The following COL19A1 variants were observed in gnomAD, a reference collection of about 807,000 sequenced individuals.
COL19A1 encodes the protein collagen type XIX alpha 1 chain.
COL19A1 carries 159 observed loss-of-function variants against 190.2 expected under a neutral mutation model. The ratio of observed to expected loss-of-function variants is 0.84; its 90% CI spans 0.73 to 0.95. The LOEUF (loss-of-function observed/expected upper bound fraction) is 0.95, where lower values mean the gene tolerates loss of function less well. Among genes scored for constraint, COL19A1 ranks in the 40% least tolerant of loss-of-function variants. The probability of loss-of-function intolerance (pLI) is 0.00; values close to 1 mark genes in which losing one functional copy is unlikely to be tolerated. For missense variants in COL19A1, 1,418 were observed against 1,431.9 expected, an observed-to-expected ratio of 0.99 and a Z score of 0.16; for synonymous variants, 509 against 458.9, an observed-to-expected ratio of 1.11 and a Z score of -1.39.
chr6:70,176,895 G>T (rs1452483725), intron 42 of COL19A1, among the ~76,000 whole-genome samples: 1 of 152,098 alleles, frequency 6.6e-6, no homozygotes, highest in African/African-American at 2.4e-5. Flanking sequence ...ATATTTCAAG[G>T]TTTCTCAGTC....
At chr6:69,932,924 G>A (rs761764277) in intron 7 of COL19A1, 61 bp downstream of exon 7, 2 of 1,114,176 alleles carry the variant, frequency 1.8e-6, no homozygotes, top group Non-Finnish European at 2.6e-6. Flanking sequence ...TAGTGGCATA[G>A]TTTGTAGAGT....
rs779928613 is a variant in COL19A1, at chr6:70,207,173, G to A, written c.3328G>A (p.Ala1110Thr). 3.7e-6 allele frequency: 6 copies of A among 1,613,422 alleles called. No individual in the cohort carries two copies. Among genetic ancestry groups the A allele is most frequent in the East Asian group, 4.5e-5 (2 of 44,884 alleles). Residue 1110 changes from alanine (A) to threonine (T), a missense_variant, in exon 51 of 51, where the codon GCC becomes ACC. Physicochemically the swap from Ala to Thr is moderately conservative, Grantham distance 58 (BLOSUM62 0). Transcript: ENST00000620364. ...TCTGGGTTTGCCAGGCTCACCAGGTGCCCCAGGCCCACAGGGCCCCCCAGG... is the reference window on the plus strand; with the variant it reads ...TCTGGGTTTGCCAGGCTCACCAGGTACCCCAGGCCCACAGGGCCCCCCAGG... ...SALGLPGSPGAPGPQGPPGPS... is the reference protein window; with the variant it reads ...SALGLPGSPGTPGPQGPPGPS...
intron 41 of COL19A1, among the ~76,000 whole-genome samples, chr6:70,173,107 C>T (rs1264872048): frequency 6.6e-6 from 1 of 152,146 alleles, no homozygotes; most frequent in African/African-American, 2.4e-5. Flanking sequence ...GAAATGAGGA[C>T]AGCTATGAGC....
chr6:69,873,830 T>G (rs535978808), intron 1 of COL19A1, among the ~76,000 whole-genome samples: 34 of 152,318 alleles, frequency 2.2e-4, no homozygotes, highest in Middle Eastern at 3.4e-3. Flanking sequence ...TAATATGTAC[T>G]GTGAGCCATC....
At chr6:69,935,300 T>C (rs1313157414) in intron 7 of COL19A1, among the ~76,000 whole-genome samples, 1 of 151,892 alleles carries the variant, frequency 6.6e-6, no homozygotes, top group Non-Finnish European at 1.5e-5. Flanking sequence ...TCTAGGCACT[T>C]TTTGTGGAGT....
chr6:70,123,504 C>A (rs1330562850), intron 17 of COL19A1, among the ~76,000 whole-genome samples: 4 of 147,720 alleles, frequency 2.7e-5, no homozygotes, highest in Admixed American at 2.7e-4. Context: ...AAGACACATG[C>A]ACACGTATGT....
intron 12 of COL19A1, among the ~76,000 whole-genome samples, chr6:70,031,041 T>A (rs189966702): frequency 1.3e-5 from 2 of 152,352 alleles, no homozygotes; most frequent in Admixed American, 1.3e-4. Flanking sequence ...AACACTTAAG[T>A]GGCTTCCCAT....
chr6:69,868,102 T>A (rs1156418703), intron 1 of COL19A1, among the ~76,000 whole-genome samples: 3 of 151,320 alleles, frequency 2.0e-5, no homozygotes, highest in Admixed American at 6.6e-5. Flanking sequence ...CACCAGTATC[T>A]ATTTTCAACC....
intron 1 of COL19A1, among the ~76,000 whole-genome samples, chr6:69,871,579 C>T (rs1343942134): frequency 1.3e-5 from 2 of 152,120 alleles, no homozygotes; most frequent in African/African-American, 4.8e-5. Context: ...CTATTTCCTC[C>T]TCTTTCTCTC....
At chr6:70,201,002 T>G (rs1767513600) in intron 49 of COL19A1, among the ~76,000 whole-genome samples, 1 of 152,206 alleles carries the variant, frequency 6.6e-6, no homozygotes. Flanking sequence ...TAGCCCTCTA[T>G]GTATACACTA....
chr6:69,921,279 TATATC>T (rs1453334182), intron 4 of COL19A1, among the ~76,000 whole-genome samples: 1 of 132,430 alleles, frequency 7.6e-6, no homozygotes, highest in Admixed American at 8.7e-5. Flanking sequence ...ATATATATCA[TATATC>T]ATATATCATA....
intron 17 of COL19A1, among the ~76,000 whole-genome samples, chr6:70,123,000 T>A (rs1784969488): frequency 6.6e-6 from 1 of 152,174 alleles, no homozygotes; most frequent in Non-Finnish European, 1.5e-5. Flanking sequence ...AGGAAGAATG[T>A]TTGGGATATA....
chr6:70,173,763 G>A (rs1029778636), intron 41 of COL19A1, among the ~76,000 whole-genome samples: 11 of 152,338 alleles, frequency 7.2e-5, no homozygotes, highest in Admixed American at 1.3e-4. Flanking sequence ...GCAAACGGTA[G>A]CGAATAAATA....
chr6:70,004,336 G>A (rs1001688697), intron 11 of COL19A1, among the ~76,000 whole-genome samples: 3 of 152,088 alleles, frequency 2.0e-5, no homozygotes, highest in African/African-American at 7.2e-5. Context: ...TGGAGAATCT[G>A]ATAATTATGT....
intron 9 of COL19A1, among the ~76,000 whole-genome samples, chr6:69,955,568 A>T (rs1481686261): frequency 1.6e-4 from 19 of 120,618 alleles, no homozygotes; most frequent in African/African-American, 4.4e-4. Context: ...TGTGTGTGTA[A>T]GAGAGAGAAA....
At chr6:70,063,045 C>T (rs1425724415) in intron 14 of COL19A1, among the ~76,000 whole-genome samples, 1 of 152,108 alleles carries the variant, frequency 6.6e-6, no homozygotes, top group African/African-American at 2.4e-5. Flanking sequence ...GACTTTAACA[C>T]CCCACTGTCA....
chr6:70,086,056 T>C (rs1782570636), intron 15 of COL19A1, among the ~76,000 whole-genome samples: 2 of 152,278 alleles, frequency 1.3e-5, no homozygotes, highest in South Asian at 4.1e-4. Context: ...TTAGTTCTTT[T>C]CTGGGGTGAA....
intron 15 of COL19A1, among the ~76,000 whole-genome samples, chr6:70,069,293 C>T (rs952295756): frequency 6.6e-6 from 1 of 152,024 alleles, no homozygotes; most frequent in Admixed American, 6.6e-5. Context: ...TTATTATTAA[C>T]CCCAAATATG....
intron 1 of COL19A1, among the ~76,000 whole-genome samples, chr6:69,876,020 C>T (rs1768108671): frequency 6.6e-6 from 1 of 151,966 alleles, no homozygotes; most frequent in African/African-American, 2.4e-5. Flanking sequence ...GAGAGAGTGT[C>T]AGATCAGGGA....
Sources: gnomAD v4.1 joint callset for allele counts (sites outside exome capture counted in the v4.1 genomes callset) on GRCh38, gnomAD v4.1.1 for gene constraint, MANE v1.5 for transcripts, NCBI Gene and HGNC (gene_info 2026-07-23, HGNC 2026-07-21) for gene names.